TTC7A: variants seen among roughly 807,000 people sequenced by gnomAD.
TTC7A encodes tetratricopeptide repeat domain 7A.
Under a neutral mutation model 103.7 loss-of-function variants are expected in TTC7A, and 110 were observed. That is an observed-to-expected ratio of 1.06 (90% confidence interval 0.91 to 1.24). The LOEUF (loss-of-function observed/expected upper bound fraction) is 1.24. TTC7A is among the 50% of genes most tolerant of loss of function. The pLI is 0.00. For synonymous variants in TTC7A, 521 were observed against 467.9 expected (o/e 1.11, Z -1.47); for missense variants, 1,340 against 1,116.3 (o/e 1.20, Z -2.86).
chr2:47,021,332 G>A (rs1679251015), intron 11 of TTC7A, among the ~76,000 whole-genome samples: 1 of 152,220 alleles, frequency 6.6e-6, no homozygotes, highest in Admixed American at 6.5e-5. Context: ...ATGTCATGTG[G>A]TGATGTGTGC....
intron 13 of TTC7A, 149 bp downstream of exon 13, chr2:47,023,614 T>C (rs1241178986): frequency 2.2e-6 from 2 of 893,678 alleles, no homozygotes; most frequent in African/African-American, 1.7e-5. Flanking sequence ...CAAGCAGGGA[T>C]AGGCGTTGGG....
rs139769048 is a variant in TTC7A, at chr2:47,008,189, G to A, written c.1287+1465G>A. The stretch of plus-strand genomic sequence containing the variant: ...AACACAGAAAGCCCGTCTAATCTTG[G>A]GACAGTGAGTACAGGTGGGAGAGGC... On this transcript the variant is annotated intron_variant, in intron 10 of 19. Transcript: ENST00000319190. 1.5e-3 allele frequency among the ~76,000 whole-genome samples: 227 copies of A among 152,306 alleles called. 6 individuals carry two copies. The East Asian group carries it at 0.042, about 28-fold the overall frequency.
Position 46,971,691 on chromosome 2 carries a change from G to C in TTC7A, c.518-3282G>C, listed in dbSNP as rs541331342. The stretch of plus-strand genomic sequence containing the variant: ...AGGAAGGGAAGGTTTGAAGTGCTGA[G>C]GACTTGGTCATTAGGTGGATGTTGG... On this transcript the variant is annotated intron_variant, in intron 3 of 19. Coordinates refer to ENST00000319190, the MANE Select transcript of TTC7A (RefSeq NM_020458.4). Among the ~76,000 whole-genome samples, 11 of 152,142 alleles carry C rather than the reference G, an allele frequency of 7.2e-5. No homozygotes were observed. The South Asian group carries it at 1.0e-3, about 14-fold the overall frequency.
intron 3 of TTC7A, among the ~76,000 whole-genome samples, chr2:46,961,162 G>T (rs564177458): frequency 6.6e-6 from 1 of 152,168 alleles, no homozygotes. Flanking sequence ...GGAAGACCCT[G>T]GAAAGGAAAT....
chr2:46,962,635 G>T (rs1370747990), intron 3 of TTC7A, among the ~76,000 whole-genome samples: 1 of 152,234 alleles, frequency 6.6e-6, no homozygotes, highest in Non-Finnish European at 1.5e-5. Context: ...TGCTGCTCCT[G>T]CCATGGCTCA....
chr2:47,042,698 G>A (rs1380358552), intron 15 of TTC7A, among the ~76,000 whole-genome samples: 13 of 138,568 alleles, frequency 9.4e-5, no homozygotes, highest in South Asian at 2.2e-4. Context: ...GTGTGTGTGT[G>A]TGTGTATATA....
intron 19 of TTC7A, among the ~76,000 whole-genome samples, chr2:47,067,182 G>C (rs796742706): frequency 2.1e-4 from 32 of 152,286 alleles, no homozygotes; most frequent in African/African-American, 7.2e-4. Context: ...TGAATTTTGG[G>C]GGACACATTC....
chr2:46,923,349 C>T (rs1669204777), intron 2 of TTC7A, among the ~76,000 whole-genome samples: 1 of 147,234 alleles, frequency 6.8e-6, no homozygotes, highest in South Asian at 2.1e-4. Context: ...CAGTAAAGAG[C>T]TGTCATTCTG....
intron 5 of TTC7A, among the ~76,000 whole-genome samples, chr2:46,991,339 TATC>T (rs1675608230): frequency 6.6e-6 from 1 of 152,062 alleles, no homozygotes; most frequent in Admixed American, 6.6e-5. Flanking sequence ...TTGTCTGAAT[TATC>T]ATTTCTGGCC....
upstream of TTC7A, among the ~76,000 whole-genome samples, chr2:46,938,756 G>A (rs895858831): frequency 2.0e-5 from 3 of 152,176 alleles, no homozygotes; most frequent in African/African-American, 4.8e-5. Flanking sequence ...GCTCATGCCT[G>A]TAATCCCAGC....
At chr2:47,038,582 T>C (rs1681387334) in intron 15 of TTC7A, among the ~76,000 whole-genome samples, 1 of 152,162 alleles carries the variant, frequency 6.6e-6, no homozygotes, top group East Asian at 1.9e-4. Context: ...ACTGTCCTTT[T>C]AAGAGATAAT....
At position 46,995,146 on chromosome 2, in the gene TTC7A, C is replaced by G. The variant is rs542818351; in HGVS notation, c.1012C>G (p.Pro338Ala). ...HLYEGDNLYC[P>A]KDNIEEALLL... ...ATTGGTGTCTTTCAGCCTCTACTGC[C>G]CCAAGGACAACATCGAGGAAGCCCT... The change falls in exon 8 of 20, where the codon CCC (proline) becomes GCC (alanine). Residue 338 changes from proline to alanine, a missense_variant. By Grantham distance (27) the Pro-to-Ala change is conservative. Transcript: ENST00000319190. 6 of 1,614,088 alleles carry G rather than the reference C, an allele frequency of 3.7e-6. No individual in the cohort carries two copies. The highest frequency in any genetic ancestry group is 5.1e-6 in the Non-Finnish European group (6 of 1,180,040).
At chr2:46,932,050 T>C (rs1270365960) in intron 2 of TTC7A, among the ~76,000 whole-genome samples, 1 of 152,154 alleles carries the variant, frequency 6.6e-6, no homozygotes, top group Admixed American at 6.6e-5. Flanking sequence ...AAAATTCAAT[T>C]TCAATCATAA....
intron 2 of TTC7A, among the ~76,000 whole-genome samples, chr2:46,919,782 C>T (rs1558471463): frequency 6.6e-6 from 1 of 152,220 alleles, no homozygotes; most frequent in East Asian, 1.9e-4. Context: ...TCCAGATTCT[C>T]CAACTGAGAA....
chr2:47,048,590 C>A (rs1457736564), intron 16 of TTC7A, among the ~76,000 whole-genome samples: 1 of 152,158 alleles, frequency 6.6e-6, no homozygotes, highest in Non-Finnish European at 1.5e-5. Context: ...GTGTTTCTGG[C>A]TTTTTTGTTT....
At chr2:46,996,491 G>A (rs1370335916) in intron 8 of TTC7A, among the ~76,000 whole-genome samples, 1 of 152,236 alleles carries the variant, frequency 6.6e-6, no homozygotes, top group African/African-American at 2.4e-5. Context: ...GATAGCGTTG[G>A]TAATCAGATT....
intron 3 of TTC7A, among the ~76,000 whole-genome samples, chr2:46,967,392 C>T (rs190583828): frequency 1.8e-4 from 28 of 152,140 alleles, no homozygotes; most frequent in African/African-American, 6.5e-4. Flanking sequence ...ATTCTATGCC[C>T]GTGAAACAGC....
chr2:47,073,479 C>A (rs1008757021), intron 19 of TTC7A, among the ~76,000 whole-genome samples: 4 of 152,182 alleles, frequency 2.6e-5, no homozygotes, highest in African/African-American at 7.2e-5. Context: ...AGAGCTCCTG[C>A]AGTGGGTTTC....
At chr2:47,061,029 C>A in intron 19 of TTC7A, 58 bp downstream of exon 19, 1 of 1,485,838 alleles carries the variant, frequency 6.7e-7, no homozygotes, top group Non-Finnish European at 9.1e-7. Context: ...GGGCCCTTAT[C>A]CCGCTTTGTC....
Sources: allele counts gnomAD v4.1 joint callset (sites outside exome capture counted in the v4.1 genomes callset), GRCh38; gene constraint gnomAD v4.1.1; transcripts MANE v1.5; gene names NCBI Gene and HGNC (gene_info 2026-07-23, HGNC 2026-07-21).